The following SPAM1 variants were observed in gnomAD, a reference collection of about 807,000 sequenced individuals.
The protein encoded by SPAM1 is sperm adhesion molecule 1.
Under a neutral mutation model 29.6 loss-of-function variants are expected in SPAM1, and 22 were observed. That is an observed-to-expected ratio of 0.74 (90% CI 0.53 to 1.06). The LOEUF (loss-of-function observed/expected upper bound fraction) is 1.06. Ranked by LOEUF, SPAM1 falls within the 50% of genes least tolerant of loss-of-function variation. SPAM1 has a pLI of 0.00. For synonymous variants in SPAM1, 194 were observed against 204.6 expected (o/e 0.95, Z 0.44); for missense variants, 534 against 604.0 (o/e 0.88, Z 1.21).
intron 1 of SPAM1, among the ~76,000 whole-genome samples, chr7:123,948,151 GCTC>G (rs1808646194): frequency 6.6e-6 from 1 of 152,096 alleles, no homozygotes; most frequent in African/African-American, 2.4e-5. Flanking sequence ...TTACACAAAA[GCTC>G]CTTTCATTCG....
chr7:123,959,725 T>G lies in SPAM1; in HGVS notation c.1286T>G (p.Phe429Cys), dbSNP rs749245911. ...GKPTLEDLEQ[F>C]SEKFYCSCYS... ...CCGACACTTGAAGACCTGGAGCAAT[T>G]TTCTGAAAAATTTTATTGCAGCTGT... Residue 429 changes from phenylalanine to cysteine, a missense_variant, in exon 5 of 5, where the codon TTT (phenylalanine) becomes TGT (cysteine). Physicochemically the swap from Phe to Cys is radical, Grantham distance 205. Transcript: ENST00000682466. 3.1e-6 allele frequency: 5 copies of G among 1,613,154 alleles called. No homozygotes were observed. Among genetic ancestry groups the G allele is most frequent in the Non-Finnish European group, 4.2e-6 (5 of 1,179,568 alleles).
intron 1 of SPAM1, among the ~76,000 whole-genome samples, chr7:123,929,695 G>A (rs1563020006): frequency 1.3e-5 from 2 of 151,976 alleles, no homozygotes; most frequent in Non-Finnish European, 2.9e-5. Flanking sequence ...TGATTATATC[G>A]ACCAAGAAAG....
rs1415054807 is a variant in SPAM1, at chr7:123,939,907, T to G, written c.-318-9965T>G. Among the ~76,000 whole-genome samples the G allele has an allele frequency of 2.6e-5, 4 of 152,338 alleles. No homozygotes were observed. In the East Asian group the frequency reaches 7.7e-4, roughly 29 times the overall value. On this transcript the variant is annotated intron_variant, in intron 1 of 4. Coordinates refer to ENST00000682466, the MANE Select transcript of SPAM1 (RefSeq NM_153189.3). The stretch of plus-strand genomic sequence containing the variant: ...TAGGTTGTTTTCACCAGAACCTGCC[T>G]TACCTGAGATCTTTCCTCTTAGTAA...
At chr7:123,963,198 A>T (rs1792383044), downstream of SPAM1, among the ~76,000 whole-genome samples, 1 of 151,902 alleles carries the variant, frequency 6.6e-6, no homozygotes, top group Non-Finnish European at 1.5e-5. Flanking sequence ...GTTCCAATTA[A>T]TGATCTCACT....
chr7:123,960,731 G>C (rs1422566231), downstream of SPAM1, among the ~76,000 whole-genome samples: 1 of 151,508 alleles, frequency 6.6e-6, no homozygotes, highest in Non-Finnish European at 1.5e-5. Context: ...AATCCATTCG[G>C]CTAGGTACTC....
intron 5 of SPAM1, among the ~76,000 whole-genome samples, chr7:123,969,737 C>G (rs1792473153): frequency 6.7e-6 from 1 of 148,880 alleles, no homozygotes; most frequent in African/African-American, 2.5e-5. Flanking sequence ...ATGCCTCCAG[C>G]TTTGTTCCTT....
chr7:123,937,160 A>G (rs529684942), intron 1 of SPAM1, among the ~76,000 whole-genome samples: 1 of 152,302 alleles, frequency 6.6e-6, no homozygotes, highest in Non-Finnish European at 1.5e-5. Context: ...TGGCTCCCAA[A>G]ATGTCAAAAG....
chr7:123,954,868 G>A, intron 3 of SPAM1, 129 bp from the exon 4 acceptor site: 1 of 658,992 alleles, frequency 1.5e-6, no homozygotes, highest in Non-Finnish European at 2.7e-6. Context: ...CTGTGTAAGA[G>A]ATAGAAATAG....
chr7:123,936,716 C>G (rs760685343), intron 1 of SPAM1, among the ~76,000 whole-genome samples: 7 of 152,154 alleles, frequency 4.6e-5, no homozygotes, highest in Non-Finnish European at 8.8e-5. Context: ...CTCTGTAATG[C>G]TCTTTCTAAA....
At chr7:123,964,641 C>T (rs1361561827), downstream of SPAM1, among the ~76,000 whole-genome samples, 2 of 151,894 alleles carry the variant, frequency 1.3e-5, no homozygotes, top group East Asian at 3.9e-4. Flanking sequence ...CCTCCCACCT[C>T]AGCCTCCTTA....
At position 123,959,956 on chromosome 7, in the gene SPAM1, T is replaced by C. The variant is rs1792335201; in HGVS notation, c.1517T>C (p.Val506Ala). The change falls in exon 5 of 5, where the codon GTA becomes GCA. Residue 506 changes from valine to alanine, a missense_variant. By Grantham distance (64) the Val-to-Ala change is moderately conservative (BLOSUM62 0). Transcript: ENST00000682466. ...ATTTTGTTTCTTATCATTTCTTCTG[T>C]AGCGAGTTTGTAATTGCGCAGGTTA... ...VSILFLIISS[V>A]ASL The C allele has an allele frequency of 1.2e-6, 2 of 1,607,044 alleles. No individual in the cohort carries two copies. The highest frequency in any genetic ancestry group is 1.7e-6 in the Non-Finnish European group (2 of 1,177,492).
intron 1 of SPAM1, among the ~76,000 whole-genome samples, chr7:123,946,903 G>T (rs1028973821): frequency 6.6e-6 from 1 of 152,122 alleles, no homozygotes; most frequent in Non-Finnish European, 1.5e-5. Context: ...TGGGCAAATT[G>T]TTTGGTAGGT....
chr7:123,945,636 G>C (rs897415690), intron 1 of SPAM1, among the ~76,000 whole-genome samples: 6 of 152,178 alleles, frequency 3.9e-5, no homozygotes, highest in African/African-American at 1.4e-4. Flanking sequence ...GGCAAGAGGT[G>C]CCTGTGTTCT....
Position 123,949,591 on chromosome 7 carries a change from T to G in SPAM1, c.-318-281T>G, listed in dbSNP as rs576675825. On this transcript the variant is annotated intron_variant, in intron 1 of 4. Coordinates refer to ENST00000682466, the MANE Select transcript of SPAM1 (RefSeq NM_153189.3). ...ATTGCTTATCAATTGGGTATTGAAT[T>G]TGCTTTTTATTTTTTTTCATTTCAT... is the stretch of plus-strand genomic sequence containing the variant. 8.7e-4 allele frequency among the ~76,000 whole-genome samples: 133 copies of G among 152,272 alleles called. 1 individual carries two copies. The highest frequency in any genetic ancestry group is 3.0e-3 in the African/African-American group (124 of 41,574).
chr7:123,970,162 A>G (rs770507258), intron 5 of SPAM1: 2 of 1,546,228 alleles, frequency 1.3e-6, no homozygotes, highest in African/African-American at 2.7e-5. Flanking sequence ...GGTGGCTTAA[A>G]CAACAGAAAT....
In SPAM1 at chr7:123,953,478, C is replaced by T. The variant is rs996333064; in HGVS notation, c.-93C>T. ...TCCATCAAAGTGAATTCATTCCATT[C>T]CCTTTCATCTGTGCTCATACTTTGC... On this transcript the variant is annotated 5_prime_UTR_variant, in exon 3 of 5. Coordinates refer to ENST00000682466, the MANE Select transcript of SPAM1 (RefSeq NM_153189.3). 3.1e-6 allele frequency: 2 copies of T among 646,980 alleles called. No homozygotes were observed. The highest frequency in any genetic ancestry group is 5.2e-6 in the Non-Finnish European group (2 of 381,260). 40.1% of individuals were successfully genotyped at this position (646,980 alleles called of 1,614,324 possible). A position where few individuals can be genotyped will look rare whatever the true frequency, so the allele number is the denominator to read the frequency against.
Position 123,953,504 on chromosome 7 carries a change from A to T in SPAM1, c.-67A>T, listed in dbSNP as rs548443320. 2.2e-6 allele frequency: 2 copies of T among 913,780 alleles called. No homozygotes were observed. The highest frequency in any genetic ancestry group is 1.7e-5 in the African/African-American group (1 of 59,822). The allele number at this position is 913,780 out of a possible 1,614,324, so 56.6% of individuals were successfully genotyped here. On this transcript the variant is annotated 5_prime_UTR_variant, in exon 3 of 5. Transcript: ENST00000682466. ...CCTTTCATCTGTGCTCATACTTTGC[A>T]TCAGATATTGGGTAAACCAAAGTGT...
intron 4 of SPAM1, among the ~76,000 whole-genome samples, chr7:123,958,321 A>G (rs1218115438): frequency 6.6e-6 from 1 of 152,030 alleles, no homozygotes; most frequent in Non-Finnish European, 1.5e-5. Context: ...TTCTCAAAGG[A>G]CAGTGTCCAG....
chr7:123,968,713 T>C (rs1792460961), intron 5 of SPAM1, among the ~76,000 whole-genome samples: 1 of 151,978 alleles, frequency 6.6e-6, no homozygotes, highest in South Asian at 2.1e-4. Context: ...AAAATATGGT[T>C]TCTAGAGCCA....
Sources: allele counts gnomAD v4.1 joint callset (sites outside exome capture counted in the v4.1 genomes callset), GRCh38; gene constraint gnomAD v4.1.1; transcripts MANE v1.5; gene names NCBI Gene and HGNC (gene_info 2026-07-23, HGNC 2026-07-21).